Variants in CHP1 observed in about 807,000 individuals in gnomAD.
CHP1 encodes the protein calcineurin like EF-hand protein 1.
In CHP1, 11 loss-of-function variants were observed where a neutral mutation model predicts 27.4. The observed-to-expected ratio is 0.40, with a 90% CI of 0.25 to 0.67. The LOEUF is 0.67. Among genes scored for constraint, CHP1 ranks in the 30% least tolerant of loss-of-function variants. The pLI is 0.38. For missense variants in CHP1, 169 were observed against 251.3 expected, an observed-to-expected ratio of 0.67 and a Z score of 2.22; for synonymous variants, 89 against 87.4, an observed-to-expected ratio of 1.02 and a Z score of -0.10.
At chr15:41,276,561 G>C (rs2047520430) in intron 5 of CHP1, among the ~76,000 whole-genome samples, 1 of 152,146 alleles carries the variant, frequency 6.6e-6, no homozygotes, top group African/African-American at 2.4e-5. Flanking sequence ...ATTCCCAGGG[G>C]CCCAAGGATT....
At chr15:41,249,646 G>A (rs955787196) in intron 2 of CHP1, among the ~76,000 whole-genome samples, 2 of 151,396 alleles carry the variant, frequency 1.3e-5, no homozygotes, top group Non-Finnish European at 2.9e-5. Flanking sequence ...CTAATTTTTT[G>A]TATTTTTAGT....
chr15:41,252,418 C>T (rs1479274157), intron 2 of CHP1, among the ~76,000 whole-genome samples: 5 of 151,510 alleles, frequency 3.3e-5, no homozygotes, highest in South Asian at 2.1e-4. Context: ...CCACCCACCT[C>T]GGCCTCCCAA....
At chr15:41,249,107 G>T (rs1403414531) in intron 2 of CHP1, among the ~76,000 whole-genome samples, 1 of 152,136 alleles carries the variant, frequency 6.6e-6, no homozygotes, top group African/African-American at 2.4e-5. Context: ...ATGTTTCCAG[G>T]ACCCATCAGA....
At chr15:41,250,202 TGGG>T (rs1216760882) in intron 2 of CHP1, among the ~76,000 whole-genome samples, 1 of 152,146 alleles carries the variant, frequency 6.6e-6, no homozygotes, top group East Asian at 1.9e-4. Context: ...TTAATTTACC[TGGG>T]TGAATTGGGA....
chr15:41,238,082 C>T lies in CHP1; in HGVS notation c.68-5585C>T, dbSNP rs138200360. Among the ~76,000 whole-genome samples the T allele has an allele frequency of 3.3e-4, 50 of 152,288 alleles. 1 individual carries two copies. The highest frequency in any genetic ancestry group is 2.9e-3 in the East Asian group (15 of 5,178). On this transcript the variant is annotated intron_variant, in intron 1 of 6. Coordinates refer to ENST00000334660, the MANE Select transcript of CHP1 (RefSeq NM_007236.5). ...TTCTGCTTCGCACTTCTGTGAAATGCCTTCCTCCTCTTTGCACAATGCAGT... is the reference window on the plus strand; with the variant it reads ...TTCTGCTTCGCACTTCTGTGAAATGTCTTCCTCCTCTTTGCACAATGCAGT...
chr15:41,232,076 T>G (rs1021401830), intron 1 of CHP1, among the ~76,000 whole-genome samples: 1 of 152,204 alleles, frequency 6.6e-6, no homozygotes, highest in African/African-American at 2.4e-5. Flanking sequence ...ACCAGTTTTT[T>G]ACTTACACGA....
intron 1 of CHP1, among the ~76,000 whole-genome samples, chr15:41,232,716 A>G (rs2047258025): frequency 6.6e-6 from 1 of 152,190 alleles, no homozygotes; most frequent in Non-Finnish European, 1.5e-5. Flanking sequence ...TTAATGAAGG[A>G]TGTAGCACCT....
intron 2 of CHP1, among the ~76,000 whole-genome samples, chr15:41,247,636 C>T (rs1261962805): frequency 6.7e-6 from 1 of 149,568 alleles, no homozygotes; most frequent in African/African-American, 2.5e-5. Flanking sequence ...CGTGCCACTG[C>T]ACTCCAGCCT....
At chr15:41,255,231 G>GC (rs1295116494) in intron 2 of CHP1, among the ~76,000 whole-genome samples, 10 of 152,034 alleles carry the variant, frequency 6.6e-5, no homozygotes, top group African/African-American at 2.2e-4. Context: ...TGTCTCTTTA[G>GC]CCCCCCCTTG....
At chr15:41,273,513 C>A (rs1215851974) in intron 5 of CHP1, among the ~76,000 whole-genome samples, 2 of 152,004 alleles carry the variant, frequency 1.3e-5, no homozygotes, top group Non-Finnish European at 2.9e-5. Context: ...TCCAGTGTAG[C>A]TGGGATTATA....
chr15:41,262,581 G>A (rs2047438880), intron 3 of CHP1, among the ~76,000 whole-genome samples, 175 bp from the exon 4 acceptor site: 1 of 152,142 alleles, frequency 6.6e-6, no homozygotes, highest in African/African-American at 2.4e-5. Flanking sequence ...ACAAGGTTGG[G>A]GTGAGGCTTA....
At chr15:41,248,399 A>G (rs1314543055) in intron 2 of CHP1, among the ~76,000 whole-genome samples, 2 of 152,306 alleles carry the variant, frequency 1.3e-5, no homozygotes, top group Admixed American at 6.5e-5. Flanking sequence ...TAGGTATTCA[A>G]GGTAGCTTGG....
chr15:41,258,312 T>A (rs976961341), intron 3 of CHP1, among the ~76,000 whole-genome samples: 1 of 152,236 alleles, frequency 6.6e-6, no homozygotes, highest in Non-Finnish European at 1.5e-5. Context: ...AGTATAGTTA[T>A]CTACTTCAGT....
chr15:41,271,254 CAAAAAAA>C (rs143070752), intron 5 of CHP1, among the ~76,000 whole-genome samples: 10 of 75,714 alleles, frequency 1.3e-4, no homozygotes, highest in South Asian at 4.5e-4. Context: ...GATTCCGTCT[CAAAAAAA>C]AAAAAAAAAA....
Position 41,272,815 on chromosome 15 carries a change from G to A in CHP1, c.411+2197G>A, listed in dbSNP as rs182788993. Among the ~76,000 whole-genome samples the A allele has an allele frequency of 1.9e-4, 29 of 152,170 alleles. No homozygotes were observed. In the East Asian group the frequency reaches 3.9e-3, roughly 20 times the overall value. Reference sequence around the variant, plus strand: ...TGTAATCCCAGCACTTTTGGAGGCCGAGGCAGGTGGATCCCGAGGTCAGGA... The same window carrying A: ...TGTAATCCCAGCACTTTTGGAGGCCAAGGCAGGTGGATCCCGAGGTCAGGA... On this transcript the variant is annotated intron_variant, in intron 5 of 6. Coordinates refer to ENST00000334660, the MANE Select transcript of CHP1 (RefSeq NM_007236.5).
intron 2 of CHP1, among the ~76,000 whole-genome samples, chr15:41,244,911 A>G (rs1261185588): frequency 6.6e-6 from 1 of 152,098 alleles, no homozygotes; most frequent in Non-Finnish European, 1.5e-5. Flanking sequence ...GGCTGGCATG[A>G]AGCAGCTTAG....
chr15:41,278,423 G>T (rs1269256694), intron 5 of CHP1, among the ~76,000 whole-genome samples: 1 of 151,998 alleles, frequency 6.6e-6, no homozygotes, highest in Non-Finnish European at 1.5e-5. Flanking sequence ...CTTGTCATGG[G>T]GGTTTGATGT....
intron 1 of CHP1, among the ~76,000 whole-genome samples, chr15:41,234,761 T>TAATAAATAAATAAATAAATAA (rs2047268330): frequency 6.6e-6 from 1 of 152,204 alleles, no homozygotes; most frequent in African/African-American, 2.4e-5. Context: ...TAGAATAGTG[T>TAATAAATAAATAAATAAATAA]CTGGTATAAT....
chr15:41,237,040 A>T (rs969043007), intron 1 of CHP1, among the ~76,000 whole-genome samples: 1 of 151,744 alleles, frequency 6.6e-6, no homozygotes, highest in Non-Finnish European at 1.5e-5. Context: ...CACGTTGGCC[A>T]GGCTGGTCTC....
Sources: allele counts gnomAD v4.1 joint callset (sites outside exome capture counted in the v4.1 genomes callset), GRCh38; gene constraint gnomAD v4.1.1; transcripts MANE v1.5; gene names NCBI Gene and HGNC (gene_info 2026-07-23, HGNC 2026-07-21).